CCSER1: variants seen among roughly 807,000 people sequenced by gnomAD.
CCSER1 encodes serine-rich coiled-coil domain-containing protein 1.
Under a neutral mutation model 82.0 loss-of-function variants are expected in CCSER1, and 41 were observed. The ratio of observed to expected loss-of-function variants is 0.50; its 90% CI spans 0.39 to 0.65. CCSER1 has a LOEUF of 0.65. Among genes scored for constraint, CCSER1 ranks in the 30% least tolerant of loss-of-function variants. The pLI, the probability that CCSER1 is intolerant of heterozygous loss-of-function variation, is 0.00. For synonymous variants in CCSER1, 414 were observed against 383.9 expected (o/e 1.08, Z -0.92); for missense variants, 1,119 against 1,064.2 (o/e 1.05, Z -0.72).
At chr4:90,272,248 C>G (rs181337720) in intron 1 of CCSER1, among the ~76,000 whole-genome samples, 2 of 152,152 alleles carry the variant, frequency 1.3e-5, no homozygotes, top group East Asian at 3.9e-4. Context: ...TTTAAATGGT[C>G]AAACGGTCTG....
intron 1 of CCSER1, among the ~76,000 whole-genome samples, chr4:90,188,895 A>G (rs554555982): frequency 1.6e-4 from 24 of 152,116 alleles, no homozygotes; most frequent in African/African-American, 5.8e-4. Context: ...ATGGGAATAG[A>G]AAAAAATCTG....
intron 4 of CCSER1, among the ~76,000 whole-genome samples, chr4:90,461,159 G>A (rs1006887209): frequency 6.9e-5 from 8 of 116,482 alleles, no homozygotes; most frequent in African/African-American, 9.1e-5. Flanking sequence ...TCCGCCTCCC[G>A]GGTTCACGCC....
At chr4:90,294,846 G>T (rs928939209) in intron 1 of CCSER1, among the ~76,000 whole-genome samples, 5 of 151,730 alleles carry the variant, frequency 3.3e-5, no homozygotes, top group Admixed American at 6.6e-5. Flanking sequence ...CATCCTTCAA[G>T]ATTTTTTTCA....
At chr4:90,210,228 A>G (rs1739698867) in intron 1 of CCSER1, among the ~76,000 whole-genome samples, 1 of 152,168 alleles carries the variant, frequency 6.6e-6, no homozygotes, top group Non-Finnish European at 1.5e-5. Flanking sequence ...GGTTGTTGCT[A>G]TGATCTTTTC....
intron 8 of CCSER1, among the ~76,000 whole-genome samples, chr4:90,867,443 TA>T (rs1765884291): frequency 6.6e-6 from 1 of 152,120 alleles, no homozygotes; most frequent in South Asian, 2.1e-4. Context: ...ACAGGATATG[TA>T]AGATATTTTG....
intron 9 of CCSER1, among the ~76,000 whole-genome samples, chr4:90,935,681 G>T (rs1730844743): frequency 6.6e-6 from 1 of 152,170 alleles, no homozygotes; most frequent in Non-Finnish European, 1.5e-5. Context: ...ATATGGCCAG[G>T]ACTAAATTGG....
chr4:91,568,249 C>T (rs1169631445), intron 10 of CCSER1, among the ~76,000 whole-genome samples: 1 of 151,964 alleles, frequency 6.6e-6, no homozygotes, highest in Admixed American at 6.6e-5. Context: ...TGTAGGTGAC[C>T]TGCCCTTTCT....
At chr4:90,489,971 G>A (rs190409560) in intron 5 of CCSER1, among the ~76,000 whole-genome samples, 2,650 of 152,178 alleles carry the variant, frequency 0.017, 70 homozygotes, top group African/African-American at 0.061. Context: ...GAATAGTGCC[G>A]CAATAAACAT....
At chr4:91,514,726 A>G (rs1760008614) in intron 10 of CCSER1, among the ~76,000 whole-genome samples, 1 of 152,158 alleles carries the variant, frequency 6.6e-6, no homozygotes, top group African/African-American at 2.4e-5. Flanking sequence ...TGGAGCACCA[A>G]TGGTTTAGTT....
chr4:91,033,195 C>T (rs1313289816), intron 9 of CCSER1, among the ~76,000 whole-genome samples: 1 of 152,048 alleles, frequency 6.6e-6, no homozygotes, highest in Non-Finnish European at 1.5e-5. Context: ...TAAAGATATT[C>T]TCATGAAGAC....
At chr4:90,213,899 G>C (rs1740517179) in intron 1 of CCSER1, among the ~76,000 whole-genome samples, 1 of 152,116 alleles carries the variant, frequency 6.6e-6, no homozygotes. Flanking sequence ...CAGAAGTAGA[G>C]ACAGAAAGGA....
chr4:90,635,251 A>C (rs113823820), intron 6 of CCSER1, among the ~76,000 whole-genome samples: 2,116 of 151,822 alleles, frequency 0.014, 48 homozygotes, highest in African/African-American at 0.049. Flanking sequence ...ACAATTAATA[A>C]AATAATTATA....
At chr4:91,360,080 A>G (rs1749149294) in intron 10 of CCSER1, among the ~76,000 whole-genome samples, 1 of 151,886 alleles carries the variant, frequency 6.6e-6, no homozygotes, top group African/African-American at 2.4e-5. Context: ...GGGGGGAAAT[A>G]ACATTCATTA....
chr4:91,011,279 G>A (rs1287449944), intron 9 of CCSER1, among the ~76,000 whole-genome samples: 1 of 134,046 alleles, frequency 7.5e-6, no homozygotes, highest in Non-Finnish European at 1.7e-5. Context: ...TTCGTGGCAA[G>A]GGCTGTTGGG....
chr4:90,646,900 T>C (rs1727705430), intron 6 of CCSER1, among the ~76,000 whole-genome samples: 1 of 152,182 alleles, frequency 6.6e-6, no homozygotes, highest in South Asian at 2.1e-4. Flanking sequence ...TCTCGTAAAA[T>C]ATTTCCTTAC....
intron 1 of CCSER1, among the ~76,000 whole-genome samples, chr4:90,213,421 T>C (rs1342813835): frequency 3.3e-5 from 5 of 152,126 alleles, no homozygotes; most frequent in Non-Finnish European, 7.4e-5. Flanking sequence ...GAGTAGGCCA[T>C]AGAATATGTG....
intron 9 of CCSER1, among the ~76,000 whole-genome samples, chr4:90,960,008 T>A (rs1733906651): frequency 6.6e-6 from 1 of 152,130 alleles, no homozygotes; most frequent in South Asian, 2.1e-4. Context: ...TTAATTGTGC[T>A]CCAGCAAGAC....
chr4:90,282,531 CTG>C (rs1202050644), intron 1 of CCSER1, among the ~76,000 whole-genome samples: 1 of 151,598 alleles, frequency 6.6e-6, no homozygotes, highest in Admixed American at 6.6e-5. Context: ...CTTGTTGACA[CTG>C]TTTCTAGAGC....
chr4:91,568,297 C>T (rs954407396), intron 10 of CCSER1, among the ~76,000 whole-genome samples: 4 of 151,810 alleles, frequency 2.6e-5, no homozygotes, highest in Non-Finnish European at 4.4e-5. Flanking sequence ...TTCATTGTGA[C>T]CTTAGAAAAT....
Sources: allele counts gnomAD v4.1 joint callset (sites outside exome capture counted in the v4.1 genomes callset), GRCh38; gene constraint gnomAD v4.1.1; transcripts MANE v1.5; gene names NCBI Gene and HGNC (gene_info 2026-07-23, HGNC 2026-07-21).